Variants in IGF2R observed in about 807,000 individuals in gnomAD.
IGF2R encodes the protein cation-independent mannose-6-phosphate receptor.
IGF2R carries 91 observed loss-of-function variants against 270.6 expected under a neutral mutation model. The observed-to-expected ratio is 0.34, with a 90% CI of 0.28 to 0.40. The LOEUF is 0.40. Among genes scored for constraint, IGF2R ranks in the 10% least tolerant of loss-of-function variants. The pLI is 1.00. For synonymous variants in IGF2R, 1,316 were observed against 1,258.9 expected (o/e 1.05, Z -0.96); for missense variants, 2,805 against 3,188.3 (o/e 0.88, Z 2.90).
At chr6:159,983,514 A>G (rs2115175892) in intron 1 of IGF2R, among the ~76,000 whole-genome samples, 1 of 152,338 alleles carries the variant, frequency 6.6e-6, no homozygotes, top group South Asian at 2.1e-4. Flanking sequence ...TATGGGAAAG[A>G]TTCCGACTGT....
In IGF2R at chr6:160,072,002, G is replaced by A. The variant is rs764965815; in HGVS notation, c.4536G>A (p.Glu1512=). The change falls in exon 32 of 48, where the codon GAG becomes GAA. Residue 1512 remains glutamate, a synonymous_variant. Transcript: ENST00000356956. ...TATACPMKSN[E]HDDCQVTNPS... ...CAGCCTGTCCCATGAAGAGCAACGA[G>A]CATGATGACTGCCAGGTCACCAACC... 3.1e-6 allele frequency: 5 copies of A among 1,614,216 alleles called. No homozygotes were observed. Among genetic ancestry groups the A allele is most frequent in the Non-Finnish European group, 4.2e-6 (5 of 1,180,026 alleles).
At chr6:160,032,782 T>C (rs1397444540) in intron 8 of IGF2R, 69 bp downstream of exon 8, 19 of 1,539,838 alleles carry the variant, frequency 1.2e-5, no homozygotes, top group Non-Finnish European at 1.7e-5. Flanking sequence ...AACGGGACAG[T>C]AGGGGCCAAG....
chr6:160,083,418 A>G (rs1244189916), intron 39 of IGF2R, among the ~76,000 whole-genome samples: 1 of 152,144 alleles, frequency 6.6e-6, no homozygotes, highest in Non-Finnish European at 1.5e-5. Context: ...GGCAAGCAGG[A>G]GAAAGTGGCC....
chr6:160,089,769 A>T (rs1054197931), intron 43 of IGF2R, 147 bp from the exon 44 acceptor site: 2 of 499,952 alleles, frequency 4.0e-6, no homozygotes, highest in Non-Finnish European at 6.9e-6. Context: ...GGGGTCACAG[A>T]CGTGCTGCCC....
At position 160,085,132 on chromosome 6, in the gene IGF2R, G is replaced by A; in HGVS notation, c.6205+1G>A. 1 of 1,612,906 alleles carries A rather than the reference G, an allele frequency of 6.2e-7. No homozygotes were observed. Among genetic ancestry groups the A allele is most frequent in the South Asian group, 1.1e-5 (1 of 90,990 alleles). The stretch of plus-strand genomic sequence containing the variant: ...CACACGCAGAAGCTGGGTGTCATAG[G>A]TAAGGCCTGTGGGTCCTGGTCCTTG... On this transcript the variant is annotated splice_donor_variant, in intron 41 of 47. Coordinates refer to ENST00000356956, the MANE Select transcript of IGF2R (RefSeq NM_000876.4). LOFTEE classifies it high-confidence loss of function.
chr6:159,977,377 T>C (rs1290529605), intron 1 of IGF2R, among the ~76,000 whole-genome samples: 1 of 152,172 alleles, frequency 6.6e-6, no homozygotes, highest in Non-Finnish European at 1.5e-5. Flanking sequence ...GGAGCAGTTG[T>C]TGGAATTTGG....
intron 46 of IGF2R, among the ~76,000 whole-genome samples, chr6:160,103,257 G>A (rs1779530399): frequency 6.6e-6 from 1 of 151,490 alleles, no homozygotes; most frequent in South Asian, 2.1e-4. Context: ...AACCATGGAG[G>A]TTGCAGTGAG....
At chr6:160,002,241 A>G (rs1259426729) in intron 2 of IGF2R, among the ~76,000 whole-genome samples, 1 of 152,040 alleles carries the variant, frequency 6.6e-6, no homozygotes, top group Non-Finnish European at 1.5e-5. Context: ...AAATAAAAAA[A>G]TTAGCCAGGC....
Position 160,040,563 on chromosome 6 carries a change from A to G in IGF2R, c.1319A>G (p.Asn440Ser). 1 of 1,614,018 alleles carries G rather than the reference A, an allele frequency of 6.2e-7. No homozygotes were observed. Among genetic ancestry groups the G allele is most frequent in the Admixed American group, 1.7e-5 (1 of 60,024 alleles). ...TTTCTCCTCTTGAATTGTGCAGGTA[A>G]CGATGGGAAAGGAACTCCTGTATTC... ...INFECNKTAG[N>S]DGKGTPVFTG... is the part of the protein sequence containing the mutation. Residue 440 changes from asparagine to serine, a missense_variant, in exon 11 of 48, where the codon AAC becomes AGC. Physicochemically the swap from Asn to Ser is conservative, Grantham distance 46 (BLOSUM62 1). This residue lies in a region of IGF2R where 954 missense variants were observed against 981.1 expected (regional missense o/e 0.97). Coordinates refer to ENST00000356956, the MANE Select transcript of IGF2R (RefSeq NM_000876.4).
At chr6:160,054,169 C>CT (rs983619619) in intron 19 of IGF2R, among the ~76,000 whole-genome samples, 11 of 152,154 alleles carry the variant, frequency 7.2e-5, no homozygotes, top group Non-Finnish European at 1.5e-5. Flanking sequence ...GGGAGGAAGA[C>CT]TAAGACACGA....
chr6:160,099,406 G>A (rs757747224), intron 45 of IGF2R, among the ~76,000 whole-genome samples: 2 of 151,700 alleles, frequency 1.3e-5, no homozygotes, highest in South Asian at 2.1e-4. Flanking sequence ...TCTCGCTCTC[G>A]CCCAGGCTGG....
chr6:160,056,500 T>C lies in IGF2R; in HGVS notation c.2771T>C (p.Ile924Thr). The change falls in exon 20 of 48, where the codon ATT becomes ACT. Residue 924 changes from isoleucine to threonine, a missense_variant. Ile to Thr is a moderately conservative substitution (Grantham distance 89). Transcript: ENST00000356956. ...FLWNTEAACPIQTTTDTDQAC... is the reference protein window; with the variant it reads ...FLWNTEAACPTQTTTDTDQAC... The stretch of plus-strand genomic sequence containing the variant: ...TGGAACACAGAGGCTGCCTGTCCCA[T>C]TCAGACAACGACGGATACAGACCAG... 3 of 1,613,582 alleles carry C rather than the reference T, an allele frequency of 1.9e-6. No homozygotes were observed. The highest frequency in any genetic ancestry group is 2.5e-6 in the Non-Finnish European group (3 of 1,179,468).
chr6:160,040,856 T>C (rs1226129026), intron 11 of IGF2R, 132 bp downstream of exon 11: 21 of 833,200 alleles, frequency 2.5e-5, no homozygotes, highest in Non-Finnish European at 3.4e-5. Flanking sequence ...AGTTTTTTCA[T>C]GTGGCTGTGT....
rs192435040 is a variant in IGF2R, at chr6:160,046,492, T to C, written c.1904-6T>C. ...CCATACTTTTATTGTTTTTATTCTT[T>C]CTTAGGGTTTTCTTTTGACTTATCA... On this transcript the variant is annotated splice_region_variant and splice_polypyrimidine_tract_variant and intron_variant, in intron 14 of 47. Coordinates refer to ENST00000356956, the MANE Select transcript of IGF2R (RefSeq NM_000876.4). The C allele has an allele frequency of 2.0e-5, 32 of 1,604,674 alleles. No homozygotes were observed. The East Asian group carries it at 6.9e-4, about 35-fold the overall frequency.
chr6:159,987,053 G>C (rs1783899118), intron 1 of IGF2R, among the ~76,000 whole-genome samples: 1 of 152,002 alleles, frequency 6.6e-6, no homozygotes, highest in Non-Finnish European at 1.5e-5. Context: ...ATGTGATCAT[G>C]GTGCTTTTAA....
chr6:159,969,197 A>C lies in IGF2R; in HGVS notation c.-50A>C. ...CCCCGTCCCGGGCGCGGCCCCCAGC[A>C]GTCGCGCGCCGTTAGCCTCGCGCCC... On this transcript the variant is annotated 5_prime_UTR_variant, in exon 1 of 48. Coordinates refer to ENST00000356956, the MANE Select transcript of IGF2R (RefSeq NM_000876.4). 1 of 972,120 alleles carries C rather than the reference A, an allele frequency of 1.0e-6. No individual in the cohort carries two copies. The highest frequency in any genetic ancestry group is 1.2e-6 in the Non-Finnish European group (1 of 819,304). 60.2% of individuals were successfully genotyped at this position (972,120 alleles called of 1,614,324 possible).
intron 3 of IGF2R, chr6:160,010,357 C>T (rs1364367853): frequency 1.6e-5 from 3 of 186,114 alleles, no homozygotes; most frequent in African/African-American, 2.4e-5. Flanking sequence ...CGTTTGCTGG[C>T]ATTTGCTTAA....
rs913455452 is a variant in IGF2R, at chr6:160,047,664, A to C, written c.2230-128A>C. On this transcript the variant is annotated intron_variant, in intron 16 of 47. Coordinates refer to ENST00000356956, the MANE Select transcript of IGF2R (RefSeq NM_000876.4). The stretch of plus-strand genomic sequence containing the variant: ...CTTCTTTTTAATAAAATGAAGGGAG[A>C]TGGGCAGACTAAGCTTTTCTTCACA... 4.3e-6 allele frequency: 3 copies of C among 692,056 alleles called. No individual in the cohort carries two copies. The African/African-American group carries it at 5.3e-5, about 12-fold the overall frequency. The allele number at this position is 692,056 out of a possible 1,614,324, so 42.9% of individuals were successfully genotyped here. A position where few individuals can be genotyped will look rare whatever the true frequency, so the allele number is the denominator to read the frequency against.
chr6:160,039,538 G>A (rs1423800107), intron 10 of IGF2R, among the ~76,000 whole-genome samples: 1 of 152,174 alleles, frequency 6.6e-6, no homozygotes, highest in Non-Finnish European at 1.5e-5. Context: ...TATAATTATA[G>A]TGATGATAAT....
Sources: gnomAD v4.1 joint callset for allele counts (sites outside exome capture counted in the v4.1 genomes callset) on GRCh38, gnomAD v4.1.1 for gene constraint, gnomAD v4.1.1 regional missense constraint, MANE v1.5 for transcripts, NCBI Gene and HGNC (gene_info 2026-07-23, HGNC 2026-07-21) for gene names.